Variants in RBL1 observed in about 807,000 individuals in gnomAD.
RBL1 encodes the protein RB transcriptional corepressor like 1.
A neutral mutation model predicts 123.0 loss-of-function variants in RBL1; 82 were observed. The ratio of observed to expected loss-of-function variants is 0.67; its 90% confidence interval spans 0.56 to 0.80. RBL1 has a LOEUF of 0.80. RBL1 is among the 30% of genes least tolerant of loss of function. The probability of loss-of-function intolerance (pLI) is 0.00; values close to 1 mark genes in which losing one functional copy is unlikely to be tolerated. For synonymous variants in RBL1, 405 were observed against 441.3 expected (o/e 0.92, Z 1.03); for missense variants, 1,171 against 1,299.6 (o/e 0.90, Z 1.52).
chr20:36,998,969 GA>G (rs2063920635), intron 21 of RBL1, 40 bp from the exon 22 acceptor site: 4 of 1,565,490 alleles, frequency 2.6e-6, no homozygotes, highest in Middle Eastern at 1.7e-4. Flanking sequence ...AAAAGAGGGA[GA>G]GGGGAAATGG....
chr20:37,027,890 G>C (rs2064451228), intron 16 of RBL1, among the ~76,000 whole-genome samples: 1 of 152,120 alleles, frequency 6.6e-6, no homozygotes, highest in African/African-American at 2.4e-5. Context: ...GAGTAGCTGG[G>C]ACTACAGGCA....
At chr20:37,015,165 T>A (rs944422563) in intron 19 of RBL1, among the ~76,000 whole-genome samples, 5 of 151,658 alleles carry the variant, frequency 3.3e-5, no homozygotes, top group Non-Finnish European at 7.4e-5. Flanking sequence ...GTCACCCAAG[T>A]TTCTTTGGCA....
chr20:37,048,618 C>T (rs756889319), intron 11 of RBL1, among the ~76,000 whole-genome samples: 13 of 152,044 alleles, frequency 8.6e-5, no homozygotes, highest in Non-Finnish European at 1.3e-4. Context: ...TTTTTACTTC[C>T]ACTCTTGAAA....
intron 11 of RBL1, among the ~76,000 whole-genome samples, chr20:37,052,775 G>GC (rs1339691905): frequency 6.6e-6 from 1 of 152,188 alleles, no homozygotes; most frequent in Non-Finnish European, 1.5e-5. Context: ...CTCCTAAAGT[G>GC]CTAGGATTAG....
intron 21 of RBL1, among the ~76,000 whole-genome samples, chr20:37,000,614 C>A (rs1214451087): frequency 7.0e-6 from 1 of 143,002 alleles, no homozygotes; most frequent in Non-Finnish European, 1.5e-5. Flanking sequence ...GCCCCGGGCC[C>A]GGCCAGCCGC....
At chr20:37,003,995 G>T in intron 20 of RBL1, 129 bp from the exon 21 acceptor site, 7 of 602,500 alleles carry the variant, frequency 1.2e-5, no homozygotes, top group Non-Finnish European at 1.4e-5. Context: ...TTATGGTTGA[G>T]AAAAAAAATG....
intron 16 of RBL1, among the ~76,000 whole-genome samples, chr20:37,025,213 CT>C (rs1568834160): frequency 6.8e-6 from 1 of 147,114 alleles, no homozygotes; most frequent in East Asian, 1.9e-4. Context: ...GTAATAAAGA[CT>C]ATATTTGCCC....
At chr20:37,050,062 C>CA (rs777482512) in intron 11 of RBL1, among the ~76,000 whole-genome samples, 1,179 of 68,528 alleles carry the variant, frequency 0.017, 6 homozygotes, top group African/African-American at 0.044. Flanking sequence ...AACTCCATCT[C>CA]AAAAAAAAAA....
intron 14 of RBL1, among the ~76,000 whole-genome samples, chr20:37,037,136 A>T (rs2064629226): frequency 6.6e-6 from 1 of 152,202 alleles, no homozygotes; most frequent in Non-Finnish European, 1.5e-5. Flanking sequence ...CTCTTTTACA[A>T]GAGTCCATGT....
chr20:37,066,624 C>T, intron 6 of RBL1, 100 bp downstream of exon 6: 1 of 1,108,332 alleles, frequency 9.0e-7, no homozygotes, highest in East Asian at 2.4e-5. Context: ...AATCCTGACC[C>T]TAAGTTCTAT....
At chr20:37,088,002 C>A (rs985213551) in intron 2 of RBL1, among the ~76,000 whole-genome samples, 2 of 152,128 alleles carry the variant, frequency 1.3e-5, no homozygotes, top group Non-Finnish European at 2.9e-5. Context: ...TGCTGGCTCA[C>A]GCCTGTAATC....
chr20:37,063,859 G>A (rs1436404447), intron 7 of RBL1, among the ~76,000 whole-genome samples: 8 of 148,186 alleles, frequency 5.4e-5, no homozygotes, highest in East Asian at 2.0e-4. Context: ...GTCTCACTCC[G>A]TCAAGCAGGC....
At chr20:37,041,089 ATCT>A (rs2064715652) in intron 13 of RBL1, among the ~76,000 whole-genome samples, 3 of 152,326 alleles carry the variant, frequency 2.0e-5, no homozygotes, top group Admixed American at 2.0e-4. Context: ...TCAAGAAACC[ATCT>A]TCTTTCCAAT....
At chr20:37,007,779 C>T (rs373138915) in intron 19 of RBL1, among the ~76,000 whole-genome samples, 5 of 151,866 alleles carry the variant, frequency 3.3e-5, no homozygotes, top group South Asian at 2.1e-4. Context: ...TTAGTAGAGA[C>T]GGGGTTTTGC....
chr20:37,087,463 T>A (rs2065567500), intron 2 of RBL1, among the ~76,000 whole-genome samples: 1 of 152,140 alleles, frequency 6.6e-6, no homozygotes, highest in Non-Finnish European at 1.5e-5. Context: ...GGCACATGAT[T>A]GTAGTCTCAG....
intron 13 of RBL1, among the ~76,000 whole-genome samples, chr20:37,042,527 C>G (rs1006182615): frequency 4.6e-5 from 7 of 152,060 alleles, no homozygotes; most frequent in Non-Finnish European, 8.8e-5. Context: ...ACCTGCAATT[C>G]CACTCCAAGA....
chr20:37,071,262 A>G (rs1296794994), intron 2 of RBL1, among the ~76,000 whole-genome samples: 1 of 152,180 alleles, frequency 6.6e-6, no homozygotes, highest in Non-Finnish European at 1.5e-5. Context: ...GCCAATACTT[A>G]TAATTTCTTT....
chr20:37,095,655 T>C, intron 1 of RBL1, 118 bp downstream of exon 1: 12 of 920,852 alleles, frequency 1.3e-5, no homozygotes, highest in Non-Finnish European at 1.8e-5. Flanking sequence ...GGCGCTTGGC[T>C]GCGCAGCGAC....
chr20:37,064,686 T>C (rs1001014725), intron 7 of RBL1, among the ~76,000 whole-genome samples: 1 of 152,172 alleles, frequency 6.6e-6, no homozygotes, highest in Non-Finnish European at 1.5e-5. Context: ...CTCAGCTCAC[T>C]GCAGCCTCTG....
Sources: allele counts gnomAD v4.1 joint callset (sites outside exome capture counted in the v4.1 genomes callset), GRCh38; gene constraint gnomAD v4.1.1; transcripts MANE v1.5; gene names NCBI Gene and HGNC (gene_info 2026-07-23, HGNC 2026-07-21).